SRP19: variants seen among roughly 807,000 people sequenced by gnomAD.
SRP19 encodes signal recognition particle 19, also known as signal recognition particle 19 kDa protein.
SRP19 carries 11 observed loss-of-function variants against 22.4 expected under a neutral mutation model. The ratio of observed to expected loss-of-function variants is 0.49; its 90% CI spans 0.31 to 0.81. The LOEUF (loss-of-function observed/expected upper bound fraction) is 0.81, where lower values mean the gene tolerates loss of function less well. Ranked by LOEUF, SRP19 falls within the 40% of genes least tolerant of loss-of-function variation. The probability of loss-of-function intolerance (pLI) is 0.05; values close to 1 mark genes in which losing one functional copy is unlikely to be tolerated. For synonymous variants in SRP19, 61 were observed against 57.6 expected, an observed-to-expected ratio of 1.06 and a Z score of -0.27; for missense variants, 168 against 175.9, an observed-to-expected ratio of 0.96 and a Z score of 0.25.
rs370162186 is a variant in SRP19, at chr5:112,867,959, G to T, written c.*422G>T. ...ATGCTAGGAGAGGAGGGATAATTAA[G>T]AATAAAATATGTAGTGAAAGTTTCC... is the stretch of plus-strand genomic sequence containing the variant. On this transcript the variant is annotated 3_prime_UTR_variant, in exon 5 of 5. Coordinates refer to ENST00000505459, the MANE Select transcript of SRP19 (RefSeq NM_003135.3). 1 of 987,186 alleles carries T rather than the reference G, an allele frequency of 1.0e-6. No homozygotes were observed. Among genetic ancestry groups the T allele is most frequent in the African/African-American group, 1.7e-5 (1 of 57,350 alleles). The allele number at this position is 987,186 out of a possible 1,614,324, so 61.2% of individuals were successfully genotyped here. A position where few individuals can be genotyped will look rare whatever the true frequency, so the allele number is the denominator to read the frequency against.
chr5:112,888,841 G>A (rs1313931578), intron 4 of SRP19, among the ~76,000 whole-genome samples: 2 of 150,680 alleles, frequency 1.3e-5, no homozygotes, highest in South Asian at 2.1e-4. Flanking sequence ...GTTTAGCTGT[G>A]TCCCCACCCA....
rs1222541528 is a variant in SRP19, at chr5:112,892,568, C to T, written c.*961C>T. The T allele has an allele frequency of 4.3e-6, 7 of 1,614,002 alleles. No homozygotes were observed. In the Admixed American group the frequency reaches 1.0e-4, roughly 23 times the overall value. On this transcript the variant is annotated 3_prime_UTR_variant, in exon 5 of 5. Transcript: ENST00000391338. ...CTGCAATGTGAATTCTGCCCAGTGA[C>T]CCGGTGGAAAATGGCGATTTGTGGT...
exon 5 of SRP19, chr5:112,892,659 C>G (rs749345357): frequency 3.5e-5 from 56 of 1,613,816 alleles, no homozygotes; most frequent in Non-Finnish European, 4.5e-5. Flanking sequence ...TCAGAAATCC[C>G]AACAATGAAT....
intron 3 of SRP19, 42 bp from the exon 4 acceptor site, chr5:112,864,579 A>C (rs958681404): frequency 6.2e-7 from 1 of 1,611,560 alleles, no homozygotes; most frequent in Non-Finnish European, 8.5e-7. Context: ...TGATGTAATA[A>C]CTTTCTTAAG....
At chr5:112,875,356 TTTG>T (rs1767870128) in intron 4 of SRP19, among the ~76,000 whole-genome samples, 1 of 132,380 alleles carries the variant, frequency 7.6e-6, no homozygotes, top group Admixed American at 8.6e-5. Flanking sequence ...AGAAGTACGT[TTTG>T]TTTTTGTTTT....
rs1767384626 is a variant in SRP19 at position 112,861,323 on chromosome 5, G to A, written c.-54G>A. On this transcript the variant is annotated 5_prime_UTR_variant, in exon 1 of 5. Transcript: ENST00000505459. Reference sequence around the variant, plus strand: ...GAAACTCAGAGCCGGGTTCCTCCCGGGTTTCTGCCGGGTTTCTCCCTGCGG... The same window carrying A: ...GAAACTCAGAGCCGGGTTCCTCCCGAGTTTCTGCCGGGTTTCTCCCTGCGG... 2 of 1,609,728 alleles carry A rather than the reference G, an allele frequency of 1.2e-6. No individual in the cohort carries two copies. Among genetic ancestry groups the A allele is most frequent in the Non-Finnish European group, 1.7e-6 (2 of 1,176,266 alleles).
chr5:112,890,223 G>A (rs1476458799), intron 4 of SRP19, among the ~76,000 whole-genome samples: 1 of 150,390 alleles, frequency 6.6e-6, no homozygotes, highest in Non-Finnish European at 1.5e-5. Flanking sequence ...TTGGGAGGTC[G>A]AGACTGCAGT....
At chr5:112,887,332 G>A (rs1204260379) in intron 4 of SRP19, 4 of 717,130 alleles carry the variant, frequency 5.6e-6, no homozygotes, top group African/African-American at 5.3e-5. Context: ...GGTTAAAGGT[G>A]GGCTTTCTTT....
intron 3 of SRP19, 42 bp from the exon 4 acceptor site, chr5:112,864,579 A>G (rs958681404): frequency 2.5e-6 from 4 of 1,611,678 alleles, no homozygotes; most frequent in Non-Finnish European, 3.4e-6. Flanking sequence ...TGATGTAATA[A>G]CTTTCTTAAG....
Position 112,861,425 on chromosome 5 carries a change from C to T in SRP19, c.41+8C>T, listed in dbSNP as rs760470743. The T allele has an allele frequency of 6.2e-7, 1 of 1,612,470 alleles. No homozygotes were observed. The highest frequency in any genetic ancestry group is 8.5e-7 in the Non-Finnish European group (1 of 1,179,098). ...CCCGGCCGACCAGGACAGGTGGGTTCTGAGGCGGTGGGTCCTCCGAAAGGA... is the reference window on the plus strand; with the variant it reads ...CCCGGCCGACCAGGACAGGTGGGTTTTGAGGCGGTGGGTCCTCCGAAAGGA... On this transcript the variant is annotated splice_region_variant and intron_variant, in intron 1 of 4. Transcript: ENST00000505459.
chr5:112,886,141 TAC>T (rs1399957877), intron 4 of SRP19, among the ~76,000 whole-genome samples: 2 of 152,342 alleles, frequency 1.3e-5, no homozygotes, highest in Admixed American at 1.3e-4. Context: ...CCTTGACTAT[TAC>T]ACTGCCTGGA....
chr5:112,878,657 C>A, intron 4 of SRP19: 1 of 1,333,456 alleles, frequency 7.5e-7, no homozygotes, highest in African/African-American at 1.5e-5. Flanking sequence ...ACAACACATT[C>A]CAATCTTTAA....
chr5:112,879,047 G>A lies in SRP19; in HGVS notation c.302-12556G>A, dbSNP rs562536984. On this transcript the variant is annotated intron_variant, in intron 4 of 4. Transcript: ENST00000391338. ...TAGAGCACAAATCCTAAATACTTGA[G>A]CAAAATACTTGAAGGTCATCTAGCC... Among the ~76,000 whole-genome samples, 13 of 152,146 alleles carry A rather than the reference G, an allele frequency of 8.5e-5. 1 individual carries two copies. The Middle Eastern group carries it at 0.027, about 318-fold the overall frequency.
chr5:112,897,184 A>G (rs1768709714), downstream of SRP19: 1 of 146,720 alleles, frequency 6.8e-6, no homozygotes, highest in African/African-American at 2.5e-5. Context: ...TAAGCCACAC[A>G]TATGTTAAGA....
intron 4 of SRP19, chr5:112,877,981 C>CTGTGTGTGTGTGTGTG (rs60109818): frequency 4.7e-5 from 7 of 147,642 alleles, no homozygotes; most frequent in Admixed American, 1.4e-4. Context: ...ACAGGTTACT[C>CTGTGTGTGTGTGTGTG]TGTGTGTGTG....
Position 112,879,714 on chromosome 5 carries a change from G to A in SRP19, c.302-11889G>A, listed in dbSNP as rs977832905. Among the ~76,000 whole-genome samples, 6 of 152,104 alleles carry A rather than the reference G, an allele frequency of 3.9e-5. No homozygotes were observed. The East Asian group carries it at 9.8e-4, about 25-fold the overall frequency. On this transcript the variant is annotated intron_variant, in intron 4 of 4. Coordinates refer to the SRP19 transcript ENST00000391338. ...GATGGTCTCAATTTCCTGACCTCGT[G>A]ATCTGCCCGCCTTGGCCTCCCAAAG...
intron 4 of SRP19, among the ~76,000 whole-genome samples, chr5:112,883,174 A>G (rs140487514): frequency 1.3e-3 from 198 of 152,384 alleles, no homozygotes; most frequent in Admixed American, 3.9e-3. Flanking sequence ...TCTTCCAGTT[A>G]TAGCCCCATT....
chr5:112,891,635 G>A (rs1475223044), exon 5 of SRP19: 3 of 1,598,866 alleles, frequency 1.9e-6, no homozygotes, highest in African/African-American at 1.3e-5. Flanking sequence ...GGCGGTGCTG[G>A]CAAGATGGCT....
In SRP19 at chr5:112,868,360, C is replaced by G; in HGVS notation, c.*823C>G. The G allele has an allele frequency of 1.1e-5, 11 of 993,800 alleles. No individual in the cohort carries two copies. The highest frequency in any genetic ancestry group is 1.3e-5 in the Non-Finnish European group (11 of 836,330). The allele number at this position is 993,800 out of a possible 1,614,324, so 61.6% of individuals were successfully genotyped here. A position where few individuals can be genotyped will look rare whatever the true frequency, so the allele number is the denominator to read the frequency against. On this transcript the variant is annotated 3_prime_UTR_variant, in exon 5 of 5. Coordinates refer to ENST00000505459, the MANE Select transcript of SRP19 (RefSeq NM_003135.3). ...TTAGCTCTTCCTTGAATTCTGCAAG[C>G]TATCTCATATTTTCAGTAAATTCCA...
Sources: gnomAD v4.1 joint callset for allele counts (sites outside exome capture counted in the v4.1 genomes callset) on GRCh38, gnomAD v4.1.1 for gene constraint, MANE v1.5 for transcripts, NCBI Gene and HGNC (gene_info 2026-07-23, HGNC 2026-07-21) for gene names.